The following PCNX2 variants were observed in gnomAD, a reference collection of about 807,000 sequenced individuals.
PCNX2 encodes the protein pecanex 2.
PCNX2 carries 168 observed loss-of-function variants against 223.8 expected under a neutral mutation model. That is an observed-to-expected ratio of 0.75 (90% confidence interval 0.66 to 0.85). The LOEUF is 0.85. Ranked by LOEUF, PCNX2 falls within the 40% of genes least tolerant of loss-of-function variation. The pLI, the probability that PCNX2 is intolerant of heterozygous loss-of-function variation, is 0.00. For synonymous variants in PCNX2, 1,006 were observed against 1,052.6 expected (o/e 0.96, Z 0.86); for missense variants, 2,507 against 2,675.5 (o/e 0.94, Z 1.39).
intron 12 of PCNX2, among the ~76,000 whole-genome samples, chr1:233,215,153 C>T (rs1159081182): frequency 1.3e-5 from 2 of 152,136 alleles, no homozygotes; most frequent in African/African-American, 4.8e-5. Context: ...CCTGGGTTCC[C>T]GATCCTGACC....
At chr1:233,296,255 C>A (rs1481793463), upstream of PCNX2, among the ~76,000 whole-genome samples, 1 of 152,182 alleles carries the variant, frequency 6.6e-6, no homozygotes, top group African/African-American at 2.4e-5. Context: ...TTCTATTAAT[C>A]TAAGCTCTAC....
At chr1:233,274,272 C>T (rs1218605140) in intron 1 of PCNX2, among the ~76,000 whole-genome samples, 1 of 152,154 alleles carries the variant, frequency 6.6e-6, no homozygotes, top group Non-Finnish European at 1.5e-5. Context: ...ACATCTTGGG[C>T]CAGATAGTTT....
chr1:233,160,028 C>T (rs945442369), intron 19 of PCNX2, among the ~76,000 whole-genome samples: 1 of 152,140 alleles, frequency 6.6e-6, no homozygotes, highest in Non-Finnish European at 1.5e-5. Flanking sequence ...AAAAAACATT[C>T]TTCTGATTCA....
the PCNX2 span, among the ~76,000 whole-genome samples, chr1:233,318,293 A>C: frequency 1.3e-5 from 2 of 152,158 alleles, no homozygotes; most frequent in Non-Finnish European, 2.9e-5. Flanking sequence ...ATTCACATAC[A>C]GTTTTTGAGG....
At chr1:232,992,661 A>T (rs1226500453) in intron 32 of PCNX2, among the ~76,000 whole-genome samples, 1 of 152,184 alleles carries the variant, frequency 6.6e-6, no homozygotes, top group Non-Finnish European at 1.5e-5. Context: ...GCTGGGTGAC[A>T]CTGGGCAGTG....
chr1:233,208,721 C>T (rs1217633158), intron 12 of PCNX2, 32 bp from the exon 13 acceptor site: 2 of 1,553,394 alleles, frequency 1.3e-6, no homozygotes, highest in Admixed American at 1.8e-5. Flanking sequence ...TGAATGGTAC[C>T]TCTTATTTTG....
Position 233,102,087 on chromosome 1 carries a change from CTTTTTTT to C in PCNX2, c.3838-6231_3838-6225del, listed in dbSNP as rs201107797. ...GAGTAAATGCATGAGATTCATTTTTCTTTTTTTTTTTTTTTTTTGGCTCCCATGAGTG... is the reference window on the plus strand; with the variant it reads ...GAGTAAATGCATGAGATTCATTTTTCTTTTTTTTTTTGGCTCCCATGAGTG... On this transcript the variant is annotated intron_variant, in intron 21 of 33. Coordinates refer to ENST00000258229, the MANE Select transcript of PCNX2 (RefSeq NM_014801.4). Among the ~76,000 whole-genome samples, 105 of 125,032 alleles carry C rather than the reference CTTTTTTT, an allele frequency of 8.4e-4. 1 individual carries two copies. The highest frequency in any genetic ancestry group is 8.1e-3 in the East Asian group (36 of 4,420). The allele number at this position is 125,032 out of a possible 152,430, so 82.0% of individuals were successfully genotyped here.
intron 19 of PCNX2, among the ~76,000 whole-genome samples, chr1:233,144,159 C>A (rs899563142): frequency 1.3e-5 from 2 of 152,054 alleles, no homozygotes; most frequent in Non-Finnish European, 2.9e-5. Flanking sequence ...CCAGCCTGGA[C>A]AACAGAGCGT....
At chr1:233,125,121 A>G (rs981276271) in intron 21 of PCNX2, among the ~76,000 whole-genome samples, 5 of 152,210 alleles carry the variant, frequency 3.3e-5, no homozygotes, top group Admixed American at 1.3e-4. Context: ...CATGGTGTCA[A>G]CCTCACCAGT....
At chr1:233,161,487 C>G (rs1392928423) in intron 17 of PCNX2, 124 bp from the exon 18 acceptor site, 15 of 757,166 alleles carry the variant, frequency 2.0e-5, no homozygotes, top group Admixed American at 8.5e-5. Context: ...CATCACTTAC[C>G]TGACACACTC....
At chr1:232,998,155 G>T in intron 32 of PCNX2, 96 bp downstream of exon 32, 1 of 1,262,684 alleles carries the variant, frequency 7.9e-7, no homozygotes, top group Non-Finnish European at 1.0e-6. Context: ...GCAAGAAGGT[G>T]CTCTCAGAGG....
At chr1:233,056,452 T>C (rs1672194195) in intron 24 of PCNX2, among the ~76,000 whole-genome samples, 1 of 152,218 alleles carries the variant, frequency 6.6e-6, no homozygotes, top group Non-Finnish European at 1.5e-5. Context: ...CTGCCTTGTA[T>C]CAATAGCCTT....
chr1:233,232,155 A>G (rs1426322400), intron 9 of PCNX2, among the ~76,000 whole-genome samples: 1 of 152,236 alleles, frequency 6.6e-6, no homozygotes, highest in East Asian at 1.9e-4. Flanking sequence ...GCCAAAATTA[A>G]TAACAAATCA....
chr1:233,254,839 C>T (rs922995388), intron 5 of PCNX2, among the ~76,000 whole-genome samples: 1 of 151,826 alleles, frequency 6.6e-6, no homozygotes, highest in African/African-American at 2.4e-5. Context: ...TATAATATTA[C>T]ACTGATAATG....
chr1:233,113,279 C>G (rs547267835), intron 21 of PCNX2, among the ~76,000 whole-genome samples: 12 of 152,172 alleles, frequency 7.9e-5, no homozygotes, highest in Non-Finnish European at 1.6e-4. Flanking sequence ...GTGAACAGGA[C>G]AGCAGGCAGC....
intron 22 of PCNX2, among the ~76,000 whole-genome samples, chr1:233,092,008 C>A (rs1333897074): frequency 6.6e-6 from 1 of 152,070 alleles, no homozygotes; most frequent in Non-Finnish European, 1.5e-5. Flanking sequence ...CTTCTGAAAG[C>A]TGAAAATACC....
rs1220927102 is a variant in PCNX2, at chr1:233,067,436, A to AGAAGAATC, written c.4077-10154_4077-10147dup. Among the ~76,000 whole-genome samples the AGAAGAATC allele has an allele frequency of 8.0e-5, 12 of 149,772 alleles. 1 individual carries two copies. The highest frequency in any genetic ancestry group is 4.0e-4 in the Admixed American group (6 of 15,048). Reference sequence around the variant, plus strand: ...CTTGGCAAAGAAATAGAATAAATAAAGAAGAATCAAATAATAATTTTACAA... The same window carrying AGAAGAATC: ...CTTGGCAAAGAAATAGAATAAATAAAGAAGAATCGAAGAATCAAATAATAATTTTACAA... On this transcript the variant is annotated intron_variant, in intron 23 of 33. Coordinates refer to ENST00000258229, the MANE Select transcript of PCNX2 (RefSeq NM_014801.4).
chr1:233,267,439 G>A (rs1413898867), intron 1 of PCNX2, among the ~76,000 whole-genome samples: 1 of 152,090 alleles, frequency 6.6e-6, no homozygotes, highest in Non-Finnish European at 1.5e-5. Flanking sequence ...ACACTTGCCT[G>A]TGTGCTACCG....
chr1:233,071,774 G>A (rs1672867177), intron 23 of PCNX2, among the ~76,000 whole-genome samples: 1 of 152,162 alleles, frequency 6.6e-6, no homozygotes, highest in Non-Finnish European at 1.5e-5. Flanking sequence ...CAGTGTATAA[G>A]CATTCCTTTT....
Sources: gnomAD v4.1 joint callset for allele counts (sites outside exome capture counted in the v4.1 genomes callset) on GRCh38, gnomAD v4.1.1 for gene constraint, MANE v1.5 for transcripts, NCBI Gene and HGNC (gene_info 2026-07-23, HGNC 2026-07-21) for gene names.